KCNIP4: variants seen among roughly 807,000 people sequenced by gnomAD.
The protein encoded by KCNIP4 is Kv channel-interacting protein 4.
Under a neutral mutation model 34.0 loss-of-function variants are expected in KCNIP4, and 12 were observed. The ratio of observed to expected loss-of-function variants is 0.35; its 90% CI spans 0.23 to 0.57. KCNIP4 has a LOEUF of 0.57. KCNIP4 is among the 20% of genes least tolerant of loss of function. The probability of loss-of-function intolerance (pLI) is 0.83; values close to 1 mark genes in which losing one functional copy is unlikely to be tolerated. For missense variants in KCNIP4, 238 were observed against 311.7 expected (o/e 0.76, Z 1.78); for synonymous variants, 124 against 102.2 (o/e 1.21, Z -1.29).
At chr4:20,822,184 T>C (rs1717192821) in intron 3 of KCNIP4, among the ~76,000 whole-genome samples, 1 of 151,700 alleles carries the variant, frequency 6.6e-6, no homozygotes, top group Non-Finnish European at 1.5e-5. Context: ...AGGACTAATA[T>C]CCAGAATCTA....
At chr4:21,184,111 A>C (rs991371801) in intron 1 of KCNIP4, among the ~76,000 whole-genome samples, 3 of 152,144 alleles carry the variant, frequency 2.0e-5, no homozygotes, top group Non-Finnish European at 2.9e-5. Context: ...TTTGAATCCC[A>C]TCTCTATCAC....
intron 1 of KCNIP4, among the ~76,000 whole-genome samples, chr4:21,119,318 G>A (rs1253899932): frequency 6.6e-6 from 1 of 151,812 alleles, no homozygotes; most frequent in Non-Finnish European, 1.5e-5. Context: ...TAAGTTTAAT[G>A]TAATACAGAA....
At chr4:20,825,867 T>A (rs558072135) in intron 3 of KCNIP4, among the ~76,000 whole-genome samples, 1 of 152,304 alleles carries the variant, frequency 6.6e-6, no homozygotes, top group East Asian at 1.9e-4. Flanking sequence ...GGATTAGACA[T>A]GTAGGAAGAA....
chr4:21,470,083 CAG>C (rs1464947616), intron 1 of KCNIP4, among the ~76,000 whole-genome samples: 16 of 152,274 alleles, frequency 1.1e-4, no homozygotes, highest in African/African-American at 2.9e-4. Flanking sequence ...AGCTATGACT[CAG>C]AAAGTGATGT....
chr4:20,736,491 T>C (rs532726748), intron 5 of KCNIP4, among the ~76,000 whole-genome samples: 5 of 152,332 alleles, frequency 3.3e-5, no homozygotes, highest in African/African-American at 1.2e-4. Context: ...TTTGCTGACA[T>C]ACGTTGGTTT....
intron 1 of KCNIP4, among the ~76,000 whole-genome samples, chr4:21,335,015 A>C (rs1156688522): frequency 1.3e-5 from 2 of 152,028 alleles, no homozygotes; most frequent in African/African-American, 4.8e-5. Context: ...TCTTCAGTAC[A>C]TTCCCAGGAG....
intron 1 of KCNIP4, among the ~76,000 whole-genome samples, chr4:21,266,641 T>C (rs1761829391): frequency 6.6e-6 from 1 of 152,214 alleles, no homozygotes; most frequent in Admixed American, 6.5e-5. Context: ...GTGTATCTAT[T>C]AGGCAGAAGG....
intron 3 of KCNIP4, among the ~76,000 whole-genome samples, chr4:20,796,293 GC>G (rs1223862702): frequency 1.2e-4 from 19 of 152,218 alleles, no homozygotes; most frequent in African/African-American, 4.3e-4. Flanking sequence ...AGCTAAAATT[GC>G]TTTTTTGTTT....
intron 1 of KCNIP4, among the ~76,000 whole-genome samples, chr4:21,879,292 G>C (rs1726322756): frequency 6.6e-6 from 1 of 152,170 alleles, no homozygotes; most frequent in African/African-American, 2.4e-5. Flanking sequence ...TGGAAGCTCA[G>C]AGGTATCATA....
At chr4:21,216,666 C>A (rs970812100) in intron 1 of KCNIP4, among the ~76,000 whole-genome samples, 1 of 152,098 alleles carries the variant, frequency 6.6e-6, no homozygotes, top group Non-Finnish European at 1.5e-5. Flanking sequence ...TTCACCCAAG[C>A]CTGGCTTCTT....
intron 5 of KCNIP4, among the ~76,000 whole-genome samples, chr4:20,736,588 T>C (rs1378831892): frequency 6.6e-6 from 1 of 152,194 alleles, no homozygotes; most frequent in Non-Finnish European, 1.5e-5. Context: ...TACTTTTTTC[T>C]AATTATATGG....
At chr4:20,896,694 C>T (rs1490811238) in intron 1 of KCNIP4, among the ~76,000 whole-genome samples, 2 of 152,170 alleles carry the variant, frequency 1.3e-5, no homozygotes, top group African/African-American at 4.8e-5. Flanking sequence ...GCCTCCTAAA[C>T]TGTGAGAGAA....
chr4:21,230,882 A>T (rs1252449792), intron 1 of KCNIP4, among the ~76,000 whole-genome samples: 1 of 152,178 alleles, frequency 6.6e-6, no homozygotes, highest in Non-Finnish European at 1.5e-5. Context: ...TATACCCAGT[A>T]ATAGGATTTC....
intron 1 of KCNIP4, among the ~76,000 whole-genome samples, chr4:21,025,708 C>T (rs528345719): frequency 2.0e-5 from 3 of 151,760 alleles, no homozygotes; most frequent in African/African-American, 4.8e-5. Context: ...CACCCACCAC[C>T]ACGCCCGGCT....
intron 1 of KCNIP4, among the ~76,000 whole-genome samples, chr4:21,204,177 AT>A (rs34394636): frequency 3.3e-3 from 499 of 150,438 alleles, no homozygotes; most frequent in African/African-American, 0.011. Flanking sequence ...CACTCTTCCT[AT>A]TTTTTTTTAA....
chr4:21,879,694 C>T lies in KCNIP4; in HGVS notation c.61+68877G>A, dbSNP rs547775081. Among the ~76,000 whole-genome samples, 7 of 152,142 alleles carry T rather than the reference C, an allele frequency of 4.6e-5. No individual in the cohort carries two copies. In the East Asian group the frequency reaches 5.8e-4, roughly 13 times the overall value. On this transcript the variant is annotated intron_variant, in intron 1 of 8. Transcript: ENST00000382152. ...CCCTTTGAGTATTATTTTCTTGTTT[C>T]GATAATTCATATATTATTTTTATTT...
At chr4:20,775,957 A>G (rs540009410) in intron 3 of KCNIP4, among the ~76,000 whole-genome samples, 1 of 152,238 alleles carries the variant, frequency 6.6e-6, no homozygotes, top group East Asian at 1.9e-4. Context: ...TACCTGTTTT[A>G]ATATATTGCA....
At chr4:21,017,459 C>T (rs755598234) in intron 1 of KCNIP4, among the ~76,000 whole-genome samples, 2 of 152,160 alleles carry the variant, frequency 1.3e-5, no homozygotes, top group Non-Finnish European at 2.9e-5. Flanking sequence ...TTCTGTTCCT[C>T]TGTTAGTTTG....
At chr4:21,655,673 G>T (rs140800000) in intron 1 of KCNIP4, among the ~76,000 whole-genome samples, 324 of 152,236 alleles carry the variant, frequency 2.1e-3, no homozygotes, top group Middle Eastern at 0.01. Context: ...TCTTAATTCT[G>T]TTCACAGAAC....
Sources: allele counts gnomAD v4.1 joint callset (sites outside exome capture counted in the v4.1 genomes callset), GRCh38; gene constraint gnomAD v4.1.1; transcripts MANE v1.5; gene names NCBI Gene and HGNC (gene_info 2026-07-23, HGNC 2026-07-21).